Variants in PRKD1 observed in about 807,000 individuals in gnomAD.
The protein encoded by PRKD1 is protein kinase D1, also known as serine/threonine-protein kinase D1.
In PRKD1, 63 loss-of-function variants were observed where a neutral mutation model predicts 95.9. That is an observed-to-expected ratio of 0.66 (90% CI 0.54 to 0.81). The LOEUF (loss-of-function observed/expected upper bound fraction) is 0.81, where lower values mean the gene tolerates loss of function less well. Ranked by LOEUF, PRKD1 falls within the 30% of genes least tolerant of loss-of-function variation. The pLI, the probability that PRKD1 is intolerant of heterozygous loss-of-function variation, is 0.00. For missense variants in PRKD1, 1,048 were observed against 1,165.3 expected, an observed-to-expected ratio of 0.90 and a Z score of 1.47; for synonymous variants, 425 against 423.1, an observed-to-expected ratio of 1.00 and a Z score of -0.05.
intron 1 of PRKD1, among the ~76,000 whole-genome samples, chr14:29,919,135 T>C (rs924614754): frequency 4.6e-5 from 7 of 152,188 alleles, no homozygotes; most frequent in Non-Finnish European, 7.3e-5. Flanking sequence ...AGGGTGTATA[T>C]TTTTTTCCTT....
chr14:29,816,619 C>G (rs1225698801), intron 1 of PRKD1, among the ~76,000 whole-genome samples: 1 of 152,110 alleles, frequency 6.6e-6, no homozygotes, highest in East Asian at 1.9e-4. Flanking sequence ...GTGACTTTTT[C>G]TCTTAAAATA....
chr14:29,642,337 G>C (rs1450180994), intron 4 of PRKD1, among the ~76,000 whole-genome samples: 3 of 152,152 alleles, frequency 2.0e-5, no homozygotes, highest in African/African-American at 7.2e-5. Context: ...ATTATTATGT[G>C]AAGTTTTATG....
chr14:29,693,735 T>C (rs1472570242), intron 2 of PRKD1, among the ~76,000 whole-genome samples: 5 of 151,842 alleles, frequency 3.3e-5, no homozygotes, highest in Non-Finnish European at 7.4e-5. Context: ...TATTATCTTG[T>C]AAGAAGAAAT....
chr14:29,827,246 CAG>C (rs1156961853), intron 1 of PRKD1, among the ~76,000 whole-genome samples: 3 of 151,846 alleles, frequency 2.0e-5, no homozygotes, highest in African/African-American at 7.3e-5. Context: ...TTAAAAAAGA[CAG>C]GGGATTCATA....
intron 1 of PRKD1, among the ~76,000 whole-genome samples, chr14:29,727,648 G>T (rs1886226194): frequency 6.6e-6 from 1 of 151,478 alleles, no homozygotes; most frequent in Non-Finnish European, 1.5e-5. Flanking sequence ...TTATTAAATA[G>T]GGAATCCTTT....
intron 2 of PRKD1, among the ~76,000 whole-genome samples, chr14:29,716,089 G>A (rs1451124285): frequency 5.9e-5 from 9 of 152,112 alleles, no homozygotes; most frequent in Non-Finnish European, 1.3e-4. Flanking sequence ...AGTAACCAGA[G>A]CATAGAGACA....
chr14:29,764,409 T>C (rs190230054), intron 1 of PRKD1, among the ~76,000 whole-genome samples: 1 of 152,348 alleles, frequency 6.6e-6, no homozygotes, highest in Admixed American at 6.5e-5. Context: ...TTAGCTAGAA[T>C]GGAAGACACC....
At chr14:29,850,650 TC>T (rs1892273451) in intron 1 of PRKD1, among the ~76,000 whole-genome samples, 1 of 151,604 alleles carries the variant, frequency 6.6e-6, no homozygotes, top group African/African-American at 2.4e-5. Flanking sequence ...TGGCCATACT[TC>T]CCAAAGCAAT....
At position 29,620,361 on chromosome 14, in the gene PRKD1, A is replaced by G. The variant is rs547228959; in HGVS notation, c.1905+3791T>C. Among the ~76,000 whole-genome samples, 405 of 150,222 alleles carry G rather than the reference A, an allele frequency of 2.7e-3. 16 individuals are homozygous for G. In the East Asian group the frequency reaches 0.07, roughly 26 times the overall value. Reference sequence around the variant, plus strand: ...AAACTCAAGAGCTTCTGCACAGCAAACGAAACTACCATCAGAGTGAACAGG... The same window carrying G: ...AAACTCAAGAGCTTCTGCACAGCAAGCGAAACTACCATCAGAGTGAACAGG... On this transcript the variant is annotated intron_variant, in intron 13 of 17. Coordinates refer to ENST00000331968, the MANE Select transcript of PRKD1 (RefSeq NM_002742.3).
At chr14:29,737,328 CAAAAAAAAAAAAAA>C (rs796557046) in intron 1 of PRKD1, among the ~76,000 whole-genome samples, 1,121 of 37,974 alleles carry the variant, frequency 0.03, 29 homozygotes, top group African/African-American at 0.099. Flanking sequence ...GACTCCGTCT[CAAAAAAAAAAAAAA>C]AAAAAAAAAA....
intron 1 of PRKD1, among the ~76,000 whole-genome samples, chr14:29,757,101 G>T (rs140043620): frequency 1.3e-5 from 2 of 152,138 alleles, no homozygotes; most frequent in Non-Finnish European, 2.9e-5. Context: ...ATGTGTGAAT[G>T]GTTCTTAATA....
intron 1 of PRKD1, among the ~76,000 whole-genome samples, chr14:29,919,637 A>G (rs1278447595): frequency 1.3e-5 from 2 of 152,116 alleles, no homozygotes; most frequent in Non-Finnish European, 2.9e-5. Context: ...GAAAATCACC[A>G]TTTTCTTTGT....
At chr14:29,826,688 CACATAT>C (rs1891149645) in intron 1 of PRKD1, among the ~76,000 whole-genome samples, 3 of 41,276 alleles carry the variant, frequency 7.3e-5, no homozygotes, top group African/African-American at 2.3e-4. Context: ...TATATATACA[CACATAT>C]ATATACATAT....
chr14:29,788,605 C>T (rs551536685), intron 1 of PRKD1, among the ~76,000 whole-genome samples: 3 of 152,128 alleles, frequency 2.0e-5, no homozygotes, highest in African/African-American at 7.2e-5. Context: ...CTTTATTCTT[C>T]TTTTTTCTTT....
intron 16 of PRKD1, among the ~76,000 whole-genome samples, chr14:29,585,006 T>C (rs547765106): frequency 9.7e-4 from 147 of 152,306 alleles, no homozygotes; most frequent in African/African-American, 3.4e-3. Flanking sequence ...ATTCTGGTGA[T>C]AGAGCCTTCG....
At chr14:29,878,626 C>T (rs1285177521) in intron 1 of PRKD1, among the ~76,000 whole-genome samples, 1 of 152,136 alleles carries the variant, frequency 6.6e-6, no homozygotes, top group African/African-American at 2.4e-5. Flanking sequence ...GCCTTGAAAA[C>T]ATTACACTAG....
rs79689236 is a variant in PRKD1 at position 29,611,429 on chromosome 14, G to C, written c.1906-11612C>G. Among the ~76,000 whole-genome samples the C allele has an allele frequency of 7.0e-3, 1,064 of 151,994 alleles. 9 individuals carry two copies. Among genetic ancestry groups the C allele is most frequent in the African/African-American group, 0.024 (998 of 41,422 alleles). On this transcript the variant is annotated intron_variant, in intron 13 of 17. Coordinates refer to ENST00000331968, the MANE Select transcript of PRKD1 (RefSeq NM_002742.3). ...ACACTGGGGAATCATTGGCATTAAT[G>C]CTTGTATATGTTTGAATTCGATACT...
intron 2 of PRKD1, among the ~76,000 whole-genome samples, chr14:29,701,499 C>G (rs945082646): frequency 1.3e-5 from 2 of 152,190 alleles, no homozygotes; most frequent in East Asian, 1.9e-4. Context: ...CAACGAATAT[C>G]TTTTCCTCAT....
chr14:29,864,791 T>C (rs1213027757), intron 1 of PRKD1, among the ~76,000 whole-genome samples: 1 of 152,122 alleles, frequency 6.6e-6, no homozygotes, highest in Non-Finnish European at 1.5e-5. Flanking sequence ...GACCTAGGAA[T>C]GGAAAAGAGT....
Sources: allele counts gnomAD v4.1 joint callset (sites outside exome capture counted in the v4.1 genomes callset), GRCh38; gene constraint gnomAD v4.1.1; transcripts MANE v1.5; gene names NCBI Gene and HGNC (gene_info 2026-07-23, HGNC 2026-07-21).